R3HCC1: variants seen among roughly 807,000 people sequenced by gnomAD.
R3HCC1 encodes the protein R3H domain and coiled-coil containing 1.
A neutral mutation model predicts 40.0 loss-of-function variants in R3HCC1; 32 were observed. That is an observed-to-expected ratio of 0.80 (90% CI 0.60 to 1.07). The LOEUF (loss-of-function observed/expected upper bound fraction) is 1.07, where lower values mean the gene tolerates loss of function less well. Among genes scored for constraint, R3HCC1 ranks in the 50% least tolerant of loss-of-function variants. The pLI is 0.00. For missense variants in R3HCC1, 586 were observed against 563.3 expected, an observed-to-expected ratio of 1.04 and a Z score of -0.41; for synonymous variants, 237 against 232.8, an observed-to-expected ratio of 1.02 and a Z score of -0.17.
chr8:23,290,287 A>C lies in R3HCC1; in HGVS notation c.670A>C (p.Lys224Gln), dbSNP rs1467231270. The C allele has an allele frequency of 6.4e-7, 1 of 1,551,588 alleles. No individual in the cohort carries two copies. Among genetic ancestry groups the C allele is most frequent in the African/African-American group, 1.4e-5 (1 of 73,024 alleles). Residue 224 changes from lysine to glutamine, a missense_variant, in exon 4 of 8, where the codon AAG becomes CAG. By Grantham distance (53) the Lys-to-Gln change is moderately conservative. Transcript: ENST00000265806. The stretch of plus-strand genomic sequence containing the variant: ...TCTGGGGCCTGAGAGTCAGTCAGGG[A>C]AGGGAGACATGGTGGAGATGGCCAC...
Position 23,288,561 on chromosome 8 carries a change from C to T in R3HCC1, c.38C>T (p.Ser13Leu), listed in dbSNP as rs766895029. 6.5e-7 allele frequency: 1 copy of T among 1,536,034 alleles called. No individual in the cohort carries two copies. The highest frequency in any genetic ancestry group is 1.2e-5 in the South Asian group (1 of 84,054). The change falls in exon 2 of 8, where the codon TCA (serine) becomes TTA (leucine). Residue 13 changes from serine to leucine, a missense_variant. Coordinates refer to ENST00000265806, the MANE Select transcript of R3HCC1 (RefSeq NM_001136108.3). Reference sequence around the variant, plus strand: ...TGCTTGGATGGTGTCTTCCTCTCCTCAGCCGAGAATGACTTCGTCCACCGG... The same window carrying T: ...TGCTTGGATGGTGTCTTCCTCTCCTTAGCCGAGAATGACTTCGTCCACCGG...
At chr8:23,288,738 C>G in intron 2 of R3HCC1, 105 bp downstream of exon 2, 1 of 1,402,190 alleles carries the variant, frequency 7.1e-7, no homozygotes, top group Non-Finnish European at 9.6e-7. Context: ...TGGCTCTGAC[C>G]TTGGCCTTTA....
In R3HCC1 at chr8:23,290,112, G is replaced by A; in HGVS notation, c.495G>A (p.Arg165=). 6.4e-7 allele frequency: 1 copy of A among 1,551,088 alleles called. No homozygotes were observed. Among genetic ancestry groups the A allele is most frequent in the Non-Finnish European group, 8.7e-7 (1 of 1,147,010 alleles). The change falls in exon 4 of 8, where the codon AGG becomes AGA. Residue 165 remains arginine (R), a synonymous_variant. Transcript: ENST00000265806. ...TCAAGAGAGAGGCCCCAGCTGGCAGGGACCCAGAAGAGCCTGGAGATGTTG... is the reference window on the plus strand; with the variant it reads ...TCAAGAGAGAGGCCCCAGCTGGCAGAGACCCAGAAGAGCCTGGAGATGTTG...
At chr8:23,288,877 G>A (rs1802797096) in intron 2 of R3HCC1, 139 bp from the exon 3 acceptor site, 3 of 1,064,664 alleles carry the variant, frequency 2.8e-6, no homozygotes, top group African/African-American at 1.6e-5. Context: ...CTCTATCTAT[G>A]CTCAGATCCT....
At position 23,296,227 on chromosome 8, in the gene R3HCC1, AG is replaced by A; in HGVS notation, c.*131del. 1 of 1,086,390 alleles carries A rather than the reference AG, an allele frequency of 9.2e-7. No homozygotes were observed. 67.3% of individuals were successfully genotyped at this position (1,086,390 alleles called of 1,614,324 possible). ...TTCACCATGGGGTGTGGTGGGCTTT[AG>A]TTTAGTCCCAGAAATGGAGAAAAAA... is the stretch of plus-strand genomic sequence containing the variant. On this transcript the variant is annotated 3_prime_UTR_variant, in exon 8 of 8. Coordinates refer to ENST00000265806, the MANE Select transcript of R3HCC1 (RefSeq NM_001136108.3).
intron 4 of R3HCC1, 85 bp from the exon 5 acceptor site, chr8:23,291,276 C>G (rs1487838930): frequency 3.4e-6 from 5 of 1,467,032 alleles, no homozygotes; most frequent in Non-Finnish European, 4.5e-6. Flanking sequence ...GCCCCTTCTC[C>G]CTGCAGAGCT....
intron 5 of R3HCC1, among the ~76,000 whole-genome samples, chr8:23,291,836 A>G (rs565622498): frequency 1.3e-5 from 2 of 152,202 alleles, no homozygotes; most frequent in Non-Finnish European, 2.9e-5. Flanking sequence ...GGGACATGGC[A>G]GCCTCCTCTT....
chr8:23,295,099 T>C (rs923045439), intron 7 of R3HCC1, among the ~76,000 whole-genome samples: 2 of 151,818 alleles, frequency 1.3e-5, no homozygotes. Flanking sequence ...CCTTGGGGAG[T>C]GGCGTCTGCC....
In R3HCC1 at chr8:23,294,713, G is replaced by A. The variant is rs556820810; in HGVS notation, c.1097-56G>A. 2.0e-5 allele frequency: 27 copies of A among 1,354,804 alleles called. No homozygotes were observed. In the African/African-American group the frequency reaches 3.3e-4, roughly 17 times the overall value. The allele number at this position is 1,354,804 out of a possible 1,614,324, so 83.9% of individuals were successfully genotyped here. On this transcript the variant is annotated intron_variant, in intron 6 of 7. Transcript: ENST00000265806. ...GCTGCAGGGGTTCGGGGTGGTGGGT[G>A]TGCCGCGGGGTCCTGAGGAGGAGGG...
Position 23,291,638 on chromosome 8 carries a change from A to AT in R3HCC1, c.1025+105_1025+106insT, listed in dbSNP as rs1802869376. ...ACACCCAGTGCCTAATGCTTCAGCA[A>AT]GAGAGACAGAAAGTGGGTGTGTTGC... On this transcript the variant is annotated intron_variant, in intron 5 of 7. Coordinates refer to ENST00000265806, the MANE Select transcript of R3HCC1 (RefSeq NM_001136108.3). 3.4e-6 allele frequency: 5 copies of AT among 1,482,558 alleles called. No individual in the cohort carries two copies. In the Admixed American group the frequency reaches 1.1e-4, roughly 33 times the overall value. The allele number at this position is 1,482,558 out of a possible 1,614,324, so 91.8% of individuals were successfully genotyped here.
Position 23,296,169 on chromosome 8 carries a change from A to G in R3HCC1, c.*72A>G, listed in dbSNP as rs562679690. The G allele has an allele frequency of 1.3e-3, 1,926 of 1,485,830 alleles. 3 individuals carry two copies. Among genetic ancestry groups the G allele is most frequent in the Non-Finnish European group, 1.6e-3 (1,796 of 1,112,776 alleles). The allele number at this position is 1,485,830 out of a possible 1,614,324, so 92.0% of individuals were successfully genotyped here. A position where few individuals can be genotyped will look rare whatever the true frequency, so the allele number is the denominator to read the frequency against. On this transcript the variant is annotated 3_prime_UTR_variant, in exon 8 of 8. Transcript: ENST00000265806. ...CGCCCCCAACACCATAAGCCTTCACAGACGCCAGAGCAGCCCCGCACCACC... is the reference window on the plus strand; with the variant it reads ...CGCCCCCAACACCATAAGCCTTCACGGACGCCAGAGCAGCCCCGCACCACC...
Position 23,289,895 on chromosome 8 carries a change from C to T in R3HCC1, c.278C>T (p.Pro93Leu), listed in dbSNP as rs1175254641. ...CCCAGTTCGGATGGCCTCTCTGGCC[C>T]CTGCCGCGCTCCTGCCTCCTGCCCC... Residue 93 changes from proline to leucine, a missense_variant, in exon 4 of 8, where the codon CCC (proline) becomes CTC (leucine). Physicochemically the swap from Pro to Leu is moderately conservative, Grantham distance 98. Coordinates refer to ENST00000265806, the MANE Select transcript of R3HCC1 (RefSeq NM_001136108.3). 6.5e-7 allele frequency: 1 copy of T among 1,529,072 alleles called. No homozygotes were observed. The highest frequency in any genetic ancestry group is 2.0e-5 in the Admixed American group (1 of 50,492). 94.7% of individuals were successfully genotyped at this position (1,529,072 alleles called of 1,614,324 possible).
Position 23,289,051 on chromosome 8 carries a change from G to C in R3HCC1, c.146G>C (p.Arg49Pro). 1 of 1,536,572 alleles carries C rather than the reference G, an allele frequency of 6.5e-7. No individual in the cohort carries two copies. The highest frequency in any genetic ancestry group is 8.7e-7 in the Non-Finnish European group (1 of 1,146,998). ...TTCCCCCCACTCTCCAGTCGCCTCC[G>C]GTACCTGATCCATAGAACAGCAGAG... Residue 49 changes from arginine to proline, a missense_variant, in exon 3 of 8, where the codon CGG (arginine) becomes CCG (proline). Transcript: ENST00000265806.
At position 23,288,151 on chromosome 8, in the gene R3HCC1, G is replaced by A. The variant is rs1486626624; in HGVS notation, c.-25G>A. ...CGAGGGCGGCTGCGACGCGCCGAGA[G>A]GCCGCGGTGAGTGCAGCAGCACTGG... On this transcript the variant is annotated 5_prime_UTR_variant, in exon 1 of 8. Transcript: ENST00000265806. 4 of 1,249,194 alleles carry A rather than the reference G, an allele frequency of 3.2e-6. No homozygotes were observed. Among genetic ancestry groups the A allele is most frequent in the Non-Finnish European group, 4.1e-6 (4 of 972,730 alleles). The allele number at this position is 1,249,194 out of a possible 1,614,324, so 77.4% of individuals were successfully genotyped here.
At chr8:23,288,960 C>T (rs1802798783) in intron 2 of R3HCC1, 56 bp from the exon 3 acceptor site, 6 of 1,526,142 alleles carry the variant, frequency 3.9e-6, no homozygotes, top group South Asian at 2.4e-5. Flanking sequence ...GGGAGTGGAC[C>T]TGGTAGGGGC....
Position 23,294,754 on chromosome 8 carries a change from G to A in R3HCC1, c.1097-15G>A. 6.5e-7 allele frequency: 1 copy of A among 1,549,384 alleles called. No individual in the cohort carries two copies. The highest frequency in any genetic ancestry group is 8.7e-7 in the Non-Finnish European group (1 of 1,145,540). ...AGGAGGAGGGAGTGGCTCCACGCCT[G>A]CTTTCTTTCCACAGCTGCGGAAGCC... On this transcript the variant is annotated splice_polypyrimidine_tract_variant and intron_variant, in intron 6 of 7. Coordinates refer to ENST00000265806, the MANE Select transcript of R3HCC1 (RefSeq NM_001136108.3).
chr8:23,290,251 G>C lies in R3HCC1; in HGVS notation c.634G>C (p.Gly212Arg). The change falls in exon 4 of 8, where the codon GGC becomes CGC. Residue 212 changes from glycine (G) to arginine (R), a missense_variant. Physicochemically the swap from Gly to Arg is moderately radical, Grantham distance 125 (BLOSUM62 -2). Transcript: ENST00000265806. ...GAATGAGCCACTGCTGGACCCTGTT[G>C]GCCCTGAGCCTCTGGGGCCTGAGAG... The C allele has an allele frequency of 1.9e-6, 3 of 1,551,692 alleles. No individual in the cohort carries two copies. The highest frequency in any genetic ancestry group is 2.6e-6 in the Non-Finnish European group (3 of 1,146,938).
intron 7 of R3HCC1, chr8:23,295,370 G>A (rs1218290354): frequency 2.3e-6 from 1 of 427,976 alleles, no homozygotes; most frequent in Non-Finnish European, 4.6e-6. Context: ...GATTGAATGA[G>A]AGCCTGGCAT....
In R3HCC1 at chr8:23,289,945, A is replaced by C; in HGVS notation, c.328A>C (p.Ile110Leu). Residue 110 changes from isoleucine to leucine, a missense_variant, in exon 4 of 8, where the codon ATC becomes CTC. Coordinates refer to ENST00000265806, the MANE Select transcript of R3HCC1 (RefSeq NM_001136108.3). ...CAGCAGGTACCACGGTCCTCGGCCC[A>C]TCTCCAACCAAGGAGCAGCTGCGGT... 1 of 1,536,194 alleles carries C rather than the reference A, an allele frequency of 6.5e-7. No homozygotes were observed. The highest frequency in any genetic ancestry group is 8.7e-7 in the Non-Finnish European group (1 of 1,146,922).
Sources: allele counts gnomAD v4.1 joint callset (sites outside exome capture counted in the v4.1 genomes callset), GRCh38; gene constraint gnomAD v4.1.1; transcripts MANE v1.5; gene names NCBI Gene and HGNC (gene_info 2026-07-23, HGNC 2026-07-21).